The following SUMF1 variants were observed in gnomAD, a reference collection of about 807,000 sequenced individuals.
SUMF1 encodes formylglycine-generating enzyme.
Under a neutral mutation model 47.6 loss-of-function variants are expected in SUMF1, and 48 were observed. The ratio of observed to expected loss-of-function variants is 1.01; its 90% CI spans 0.80 to 1.28. The LOEUF is 1.28. SUMF1 is among the 50% of genes most tolerant of loss of function. The probability of loss-of-function intolerance (pLI) is 0.00; values close to 1 mark genes in which losing one functional copy is unlikely to be tolerated. For missense variants in SUMF1, 571 were observed against 485.4 expected, an observed-to-expected ratio of 1.18 and a Z score of -1.66; for synonymous variants, 230 against 192.1, an observed-to-expected ratio of 1.20 and a Z score of -1.63.
intron 6 of SUMF1, among the ~76,000 whole-genome samples, chr3:4,411,691 G>A (rs1336284057): frequency 6.8e-6 from 1 of 146,164 alleles, no homozygotes; most frequent in African/African-American, 2.6e-5. Flanking sequence ...TTATAAAAGG[G>A]GGGAGAGCAG....
rs374147029 is a variant in SUMF1, at chr3:4,456,960, G to GTATATATATATACGTGTGTGTA, written c.271-3912_271-3911insTACACACACGTATATATATATA. ...CGTGTGTGTACATATATACGTGTGT[G>GTATATATATATACGTGTGTGTA]TATATATATACGTGTGTGTATATAT... On this transcript the variant is annotated intron_variant, in intron 1 of 8. Transcript: ENST00000272902. Among the ~76,000 whole-genome samples, 120 of 80,852 alleles carry GTATATATATATACGTGTGTGTA rather than the reference G, an allele frequency of 1.5e-3. 1 individual carries two copies. The highest frequency in any genetic ancestry group is 4.3e-3 in the East Asian group (15 of 3,498). The allele number at this position is 80,852 out of a possible 152,430, so 53.0% of individuals were successfully genotyped here.
chr3:4,183,165 G>C (rs574707765), intron 8 of SUMF1, among the ~76,000 whole-genome samples: 4 of 152,092 alleles, frequency 2.6e-5, no homozygotes, highest in Non-Finnish European at 5.9e-5. Flanking sequence ...CTAAAAGCTT[G>C]GTGTCAGAGG....
At chr3:4,412,534 G>A (rs1701577005) in intron 6 of SUMF1, among the ~76,000 whole-genome samples, 1 of 152,206 alleles carries the variant, frequency 6.6e-6, no homozygotes, top group Admixed American at 6.5e-5. Flanking sequence ...AGGAAAAGAA[G>A]AAATTCAGTT....
At chr3:4,440,574 C>T (rs920588610) in intron 3 of SUMF1, among the ~76,000 whole-genome samples, 42 of 152,312 alleles carry the variant, frequency 2.8e-4, no homozygotes, top group Non-Finnish European at 4.9e-4. Flanking sequence ...TTATTCTTTG[C>T]CTTCTGTCCC....
chr3:4,082,023 C>T (rs1692570740), intron 8 of SUMF1, among the ~76,000 whole-genome samples: 1 of 152,094 alleles, frequency 6.6e-6, no homozygotes, highest in South Asian at 2.1e-4. Flanking sequence ...ATGCCTGCAA[C>T]TTACTTTCAA....
chr3:4,298,463 T>C (rs1281526353), intron 8 of SUMF1, among the ~76,000 whole-genome samples: 1 of 152,156 alleles, frequency 6.6e-6, no homozygotes, highest in East Asian at 1.9e-4. Flanking sequence ...AATATCTTAT[T>C]CTGGAAGCAC....
chr3:4,445,112 T>C (rs1702735369), intron 3 of SUMF1, among the ~76,000 whole-genome samples: 1 of 152,188 alleles, frequency 6.6e-6, no homozygotes, highest in African/African-American at 2.4e-5. Flanking sequence ...TGTAATGATA[T>C]AGATAAATTT....
intron 8 of SUMF1, among the ~76,000 whole-genome samples, chr3:4,268,506 T>C (rs914085354): frequency 6.6e-6 from 1 of 150,862 alleles, no homozygotes; most frequent in African/African-American, 2.4e-5. Context: ...TTTCTTTTTT[T>C]TTTTTTTTTT....
At chr3:4,374,436 AT>A (rs201220220) in intron 8 of SUMF1, among the ~76,000 whole-genome samples, 2,108 of 152,354 alleles carry the variant, frequency 0.014, 42 homozygotes, top group African/African-American at 0.044. Context: ...TGGGAAGCTT[AT>A]AAAAATGTAG....
At chr3:4,088,100 CCTA>C (rs1354467798) in intron 8 of SUMF1, among the ~76,000 whole-genome samples, 1 of 152,040 alleles carries the variant, frequency 6.6e-6, no homozygotes, top group African/African-American at 2.4e-5. Flanking sequence ...TACTTTGACT[CCTA>C]CTGAGAAGAT....
At chr3:4,417,940 A>G in intron 5 of SUMF1, 70 bp downstream of exon 5, 1 of 1,610,216 alleles carries the variant, frequency 6.2e-7, no homozygotes, top group Non-Finnish European at 8.5e-7. Context: ...AGTTCCATGG[A>G]GTTTTTTGTT....
intron 9 of SUMF1, among the ~76,000 whole-genome samples, chr3:4,064,597 C>T (rs1165297728): frequency 1.3e-5 from 2 of 152,122 alleles, no homozygotes; most frequent in South Asian, 2.1e-4. Flanking sequence ...TGTATGGACT[C>T]ACCCCAAATA....
intron 8 of SUMF1, among the ~76,000 whole-genome samples, chr3:4,174,095 G>A (rs1477446788): frequency 2.0e-5 from 3 of 152,026 alleles, no homozygotes; most frequent in South Asian, 2.1e-4. Context: ...GGTGGCTCAC[G>A]CCTGTAATCC....
At chr3:4,176,095 C>G (rs1219844814) in intron 8 of SUMF1, among the ~76,000 whole-genome samples, 3 of 152,088 alleles carry the variant, frequency 2.0e-5, no homozygotes, top group Non-Finnish European at 4.4e-5. Flanking sequence ...GAGAGTGGAA[C>G]CAAGATGGAA....
At chr3:4,198,802 T>C (rs751555606) in intron 8 of SUMF1, among the ~76,000 whole-genome samples, 1 of 151,976 alleles carries the variant, frequency 6.6e-6, no homozygotes, top group African/African-American at 2.4e-5. Flanking sequence ...CAGCATATGC[T>C]GTAATGTACA....
chr3:4,230,399 C>G (rs1696272987), intron 8 of SUMF1, among the ~76,000 whole-genome samples: 2 of 152,214 alleles, frequency 1.3e-5, no homozygotes, highest in South Asian at 4.1e-4. Flanking sequence ...TACAACCCAC[C>G]TTTCTGTTTT....
chr3:4,433,271 C>T (rs1166733299), intron 3 of SUMF1, among the ~76,000 whole-genome samples: 1 of 152,176 alleles, frequency 6.6e-6, no homozygotes, highest in Non-Finnish European at 1.5e-5. Context: ...AATTTAAGGT[C>T]ACATTAAACA....
At chr3:4,264,501 A>C (rs1441086203) in intron 8 of SUMF1, among the ~76,000 whole-genome samples, 3 of 152,210 alleles carry the variant, frequency 2.0e-5, no homozygotes, top group Admixed American at 2.0e-4. Context: ...CAGCATCAGA[A>C]CACTTTTTTT....
At chr3:4,347,726 G>C (rs1384597438) in intron 8 of SUMF1, among the ~76,000 whole-genome samples, 1 of 152,150 alleles carries the variant, frequency 6.6e-6, no homozygotes, top group Admixed American at 6.5e-5. Context: ...TCAATAGGAA[G>C]AGAGGAAGTC....
Sources: allele counts gnomAD v4.1 joint callset (sites outside exome capture counted in the v4.1 genomes callset), GRCh38; gene constraint gnomAD v4.1.1; transcripts MANE v1.5; gene names NCBI Gene and HGNC (gene_info 2026-07-23, HGNC 2026-07-21).